The following TUBGCP2 variants were observed in gnomAD, a reference collection of about 807,000 sequenced individuals.
TUBGCP2 encodes the protein tubulin gamma complex component 2.
TUBGCP2 carries 55 observed loss-of-function variants against 92.2 expected under a neutral mutation model. That is an observed-to-expected ratio of 0.60 (90% CI 0.48 to 0.75). The LOEUF (loss-of-function observed/expected upper bound fraction) is 0.75. Among genes scored for constraint, TUBGCP2 ranks in the 30% least tolerant of loss-of-function variants. The pLI, the probability that TUBGCP2 is intolerant of heterozygous loss-of-function variation, is 0.00. For missense variants in TUBGCP2, 1,093 were observed against 1,188.9 expected, an observed-to-expected ratio of 0.92 and a Z score of 1.19; for synonymous variants, 533 against 505.2, an observed-to-expected ratio of 1.06 and a Z score of -0.74.
rs1207299504 is a variant in TUBGCP2 at position 133,302,844 on chromosome 10, T to G, written c.98A>C (p.Gln33Pro). 6.2e-7 allele frequency: 1 copy of G among 1,613,726 alleles called. No individual in the cohort carries two copies. Reference protein sequence around the residue: ...DGAEVYIDLLQKNRTPYVTTT... With the variant: ...DGAEVYIDLLPKNRTPYVTTT... ...AGTGACGTACGGGGTCCTGTTCTTT[T>G]GAAGCAGGTCAATGTAGACCTCAGC... The change falls in exon 2 of 18, where the codon CAA (glutamine) becomes CCA (proline). Residue 33 changes from glutamine to proline, a missense_variant. Physicochemically the swap from Gln to Pro is moderately conservative, Grantham distance 76 (BLOSUM62 -1). Around this residue, in one of 3 missense-constraint regions of TUBGCP2, gnomAD observed 490 missense variants for 488.5 expected, o/e 1.00. Transcript: ENST00000252936.
intron 5 of TUBGCP2, among the ~76,000 whole-genome samples, chr10:133,294,139 A>G (rs1451334739): frequency 1.3e-5 from 2 of 152,268 alleles, no homozygotes; most frequent in Admixed American, 1.3e-4. Context: ...ACTCTGGGAC[A>G]AAAAACCTTG....
At chr10:133,281,637 CT>C (rs1459336969) in intron 16 of TUBGCP2, 2 of 675,648 alleles carry the variant, frequency 3.0e-6, no homozygotes, top group African/African-American at 3.6e-5. Context: ...CAGAGAAACA[CT>C]CCAGGCCTCG....
intron 4 of TUBGCP2, 111 bp from the exon 5 acceptor site, chr10:133,298,222 CA>C (rs958430112): frequency 1.7e-6 from 2 of 1,176,916 alleles, no homozygotes; most frequent in African/African-American, 3.1e-5. Context: ...TTACTCAATT[CA>C]ACACCCACAA....
intron 7 of TUBGCP2, 39 bp from the exon 8 acceptor site, chr10:133,292,727 C>A: frequency 6.3e-7 from 1 of 1,583,050 alleles, no homozygotes; most frequent in Non-Finnish European, 8.6e-7. Context: ...GAGAAGGAAG[C>A]GCACGCCCAG....
chr10:133,298,853 C>T (rs957847847), intron 4 of TUBGCP2, among the ~76,000 whole-genome samples: 9 of 152,218 alleles, frequency 5.9e-5, no homozygotes, highest in Non-Finnish European at 1.3e-4. Context: ...GCACTCAACA[C>T]GCACCCAGGA....
upstream of TUBGCP2, chr10:133,312,051 T>C (rs1848002734): frequency 2.7e-6 from 4 of 1,487,396 alleles, no homozygotes; most frequent in East Asian, 2.5e-5. Context: ...TTTGAGCCAT[T>C]GAAGCGCAGG....
Position 133,279,579 on chromosome 10 carries a change from C to G in TUBGCP2, c.*187G>C, listed in dbSNP as rs1413463957. ...ATTAGCAAATCCAGGGAGACATCCA[C>G]CCTGCCTGGGCAGCTTCTATAAAAC... On this transcript the variant is annotated 3_prime_UTR_variant, in exon 18 of 18. Transcript: ENST00000252936. 4.7e-6 allele frequency: 4 copies of G among 853,924 alleles called. No homozygotes were observed. The highest frequency in any genetic ancestry group is 6.7e-6 in the Non-Finnish European group (4 of 597,394). 52.9% of individuals were successfully genotyped at this position (853,924 alleles called of 1,614,324 possible).
chr10:133,284,425 C>A (rs376305714), intron 13 of TUBGCP2, among the ~76,000 whole-genome samples: 5 of 152,218 alleles, frequency 3.3e-5, no homozygotes, highest in Non-Finnish European at 5.9e-5. Context: ...TGCAGTGGCA[C>A]GATCTTGGCT....
At chr10:133,290,311 A>C in intron 8 of TUBGCP2, 1 of 216,076 alleles carries the variant, frequency 4.6e-6, no homozygotes, top group Non-Finnish European at 9.6e-6. Context: ...TGGCCAACAC[A>C]GTGAAACCCC....
Position 133,281,430 on chromosome 10 carries a change from C to G in TUBGCP2, c.2416G>C (p.Ala806Pro). ...ARKELARKHL[A>P]EHADTVQLVS... ...AGCTGCACAGTGTCTGCGTGCTCAG[C>G]CAGGTGCTGGAAAGAAAGCCGGGGT... is the stretch of plus-strand genomic sequence containing the variant. Residue 806 changes from alanine (A) to proline (P), a missense_variant, in exon 17 of 18, where the codon GCT becomes CCT. Physicochemically the swap from Ala to Pro is conservative, Grantham distance 27. This residue lies in a region of TUBGCP2 where 598 missense variants were observed against 675.5 expected (regional missense o/e 0.89). Transcript: ENST00000252936. 6.2e-7 allele frequency: 1 copy of G among 1,612,342 alleles called. No homozygotes were observed. Among genetic ancestry groups the G allele is most frequent in the Non-Finnish European group, 8.5e-7 (1 of 1,179,824 alleles).
upstream of TUBGCP2, chr10:133,311,698 A>C (rs919474103): frequency 1.2e-6 from 2 of 1,607,252 alleles, no homozygotes; most frequent in Admixed American, 1.7e-5. Context: ...GCAGTTACTC[A>C]CTGCTCTCTC....
chr10:133,288,010 AC>A lies in TUBGCP2; in HGVS notation c.1722+118del. ...CCCGGTAGCCAAGTGAAGGAAACAG[AC>A]CCTGCGGTCGCCTCACCGGGACGGG... On this transcript the variant is annotated intron_variant, in intron 11 of 17. Coordinates refer to ENST00000252936, the MANE Select transcript of TUBGCP2 (RefSeq NM_006659.4). The A allele has an allele frequency of 2.3e-6, 3 of 1,330,178 alleles. No homozygotes were observed. The South Asian group carries it at 4.7e-5, about 21-fold the overall frequency. 82.4% of individuals were successfully genotyped at this position (1,330,178 alleles called of 1,614,324 possible). A position where few individuals can be genotyped will look rare whatever the true frequency, so the allele number is the denominator to read the frequency against.
upstream of TUBGCP2, among the ~76,000 whole-genome samples, chr10:133,311,143 C>T (rs571457703): frequency 2.0e-5 from 3 of 152,126 alleles, no homozygotes; most frequent in Non-Finnish European, 4.4e-5. Context: ...CTTTTTTTAA[C>T]TGATGAGGTG....
chr10:133,299,546 C>T lies in TUBGCP2; in HGVS notation c.337G>A (p.Val113Met). 1 of 1,613,832 alleles carries T rather than the reference C, an allele frequency of 6.2e-7. No homozygotes were observed. Among genetic ancestry groups the T allele is most frequent in the South Asian group, 1.1e-5 (1 of 91,074 alleles). The change falls in exon 4 of 18, where the codon GTG (valine) becomes ATG (methionine). Residue 113 changes from valine (V) to methionine (M), a missense_variant. Coordinates refer to ENST00000252936, the MANE Select transcript of TUBGCP2 (RefSeq NM_006659.4). ...TTGATGCTGGTGGTACTGCTGCCCA[C>T]AGCAGCGGCTGCAAGCTCAGCTCTT... ...KERAELAAAA[V>M]GSSTTSINVP...
rs1564937288 is a variant in TUBGCP2, at chr10:133,288,833, G to A, written c.1541+7C>T. The A allele has an allele frequency of 6.2e-7, 1 of 1,602,792 alleles. No individual in the cohort carries two copies. Among genetic ancestry groups the A allele is most frequent in the Non-Finnish European group, 8.5e-7 (1 of 1,173,294 alleles). On this transcript the variant is annotated splice_region_variant and intron_variant, in intron 10 of 17. Coordinates refer to ENST00000252936, the MANE Select transcript of TUBGCP2 (RefSeq NM_006659.4). ...AGTGCCCGCACAGGGACAGGGCACG[G>A]AATCACCTGAGGTGAGCCACCAGCT...
intron 10 of TUBGCP2, 109 bp downstream of exon 10, chr10:133,288,731 A>G (rs1847198030): frequency 6.2e-6 from 8 of 1,294,956 alleles, no homozygotes; most frequent in Non-Finnish European, 7.3e-6. Context: ...ACTTTCAAAA[A>G]GACAAGGCGG....
intron 17 of TUBGCP2, 67 bp downstream of exon 17, chr10:133,281,206 G>A (rs540644981): frequency 6.5e-6 from 10 of 1,546,766 alleles, no homozygotes; most frequent in African/African-American, 2.7e-5. Context: ...GAGCCAGGGC[G>A]GTGCTGGGCA....
chr10:133,299,337 C>T (rs1476180159), intron 4 of TUBGCP2, 90 bp downstream of exon 4: 13 of 1,146,816 alleles, frequency 1.1e-5, no homozygotes, highest in South Asian at 5.3e-5. Context: ...AGCAGGGGCC[C>T]GGCACAGCAC....
upstream of TUBGCP2, chr10:133,310,277 G>A (rs1379795715): frequency 6.2e-7 from 1 of 1,613,846 alleles, no homozygotes; most frequent in East Asian, 2.2e-5. Context: ...ATAAGCCAAA[G>A]AAAAGCAGAA....
Sources: gnomAD v4.1 joint callset for allele counts (sites outside exome capture counted in the v4.1 genomes callset) on GRCh38, gnomAD v4.1.1 for gene constraint, gnomAD v4.1.1 regional missense constraint, MANE v1.5 for transcripts, NCBI Gene and HGNC (gene_info 2026-07-23, HGNC 2026-07-21) for gene names.